Variants in CFAP210 observed in about 807,000 individuals in gnomAD.
The protein encoded by CFAP210 is cilia- and flagella- associated protein 210.
chr2:169,678,360 AAAAGAAAG>A, the CFAP210 span, among the ~76,000 whole-genome samples: 2 of 134,482 alleles, frequency 1.5e-5, no homozygotes, highest in East Asian at 4.0e-4. Context: ...AAAAAAAAAA[AAAAGAAAG>A]AAAGAAAGAA....
chr2:169,667,379 T>G, the CFAP210 span, among the ~76,000 whole-genome samples: 1 of 152,086 alleles, frequency 6.6e-6, no homozygotes, highest in African/African-American at 2.4e-5. Context: ...CCTCAGGTGA[T>G]CCAACCACCT....
At chr2:169,668,777 A>G in the CFAP210 span, among the ~76,000 whole-genome samples, 13 of 152,318 alleles carry the variant, frequency 8.5e-5, no homozygotes, top group Non-Finnish European at 2.9e-5. Flanking sequence ...GGCACCCCAA[A>G]ACATTACAAT....
chr2:169,670,164 T>C, the CFAP210 span, among the ~76,000 whole-genome samples: 1 of 152,222 alleles, frequency 6.6e-6, no homozygotes, highest in African/African-American at 2.4e-5. Flanking sequence ...AAGCCTTACC[T>C]ATATATAGAA....
At chr2:169,687,092 G>T in the CFAP210 span, among the ~76,000 whole-genome samples, 28 of 152,134 alleles carry the variant, frequency 1.8e-4, no homozygotes, top group African/African-American at 6.8e-4. Flanking sequence ...TATAAGAATG[G>T]CATGGTAAAG....
the CFAP210 span, among the ~76,000 whole-genome samples, chr2:169,691,984 C>T: frequency 6.6e-6 from 1 of 152,198 alleles, no homozygotes; most frequent in Non-Finnish European, 1.5e-5. Flanking sequence ...TAAGGCATGC[C>T]TTCAATGCTC....
At chr2:169,645,699 C>A in the CFAP210 span, 2 of 630,934 alleles carry the variant, frequency 3.2e-6, no homozygotes, top group Non-Finnish European at 5.3e-6. Context: ...TATATATACC[C>A]AAAAGAAATA....
At chr2:169,687,791 C>A in the CFAP210 span, among the ~76,000 whole-genome samples, 1 of 152,246 alleles carries the variant, frequency 6.6e-6, no homozygotes, top group South Asian at 2.1e-4. Context: ...CCATTAGGGA[C>A]TCTACGTGGG....
At chr2:169,657,776 A>G in the CFAP210 span, among the ~76,000 whole-genome samples, 1 of 152,158 alleles carries the variant, frequency 6.6e-6, no homozygotes, top group Non-Finnish European at 1.5e-5. Flanking sequence ...TACATATGTC[A>G]GATGAAGATC....
the CFAP210 span, among the ~76,000 whole-genome samples, chr2:169,664,284 C>CT: frequency 6.6e-6 from 1 of 152,136 alleles, no homozygotes; most frequent in Non-Finnish European, 1.5e-5. Context: ...TAAATTGCTA[C>CT]TTTAAGGGAA....
chr2:169,685,547 G>A, the CFAP210 span, among the ~76,000 whole-genome samples: 1 of 151,862 alleles, frequency 6.6e-6, no homozygotes, highest in Non-Finnish European at 1.5e-5. Context: ...TCTCCCATTC[G>A]GTGGATGTAT....
At chr2:169,691,319 A>C in the CFAP210 span, among the ~76,000 whole-genome samples, 1 of 152,186 alleles carries the variant, frequency 6.6e-6, no homozygotes, top group African/African-American at 2.4e-5. Flanking sequence ...CAACATTCTT[A>C]ATACTTTTCT....
chr2:169,645,442 T>C, the CFAP210 span: 1 of 161,732 alleles, frequency 6.2e-6, no homozygotes, highest in South Asian at 1.7e-4. Context: ...TGATTCTGTT[T>C]ATTCAAAATA....
chr2:169,685,450 A>G, the CFAP210 span, among the ~76,000 whole-genome samples: 2 of 152,148 alleles, frequency 1.3e-5, no homozygotes, highest in Non-Finnish European at 2.9e-5. Flanking sequence ...CTTTTTAAAA[A>G]TGGGCTGTCT....
chr2:169,684,340 G>A, the CFAP210 span, among the ~76,000 whole-genome samples: 62,003 of 151,948 alleles, frequency 0.41, 12,926 homozygotes, highest in Non-Finnish European at 0.44. Flanking sequence ...ATAAAAATCC[G>A]CCACTGTAAA....
At chr2:169,661,957 C>T in the CFAP210 span, among the ~76,000 whole-genome samples, 1 of 152,132 alleles carries the variant, frequency 6.6e-6, no homozygotes, top group Non-Finnish European at 1.5e-5. Context: ...GATGTGGAGA[C>T]ACAGTGGGGA....
chr2:169,655,648 A>G, the CFAP210 span, among the ~76,000 whole-genome samples: 1 of 152,194 alleles, frequency 6.6e-6, no homozygotes, highest in Non-Finnish European at 1.5e-5. Flanking sequence ...TCATTTTTCA[A>G]TATTGAAAGC....
the CFAP210 span, among the ~76,000 whole-genome samples, chr2:169,679,439 G>C: frequency 6.6e-6 from 1 of 152,002 alleles, no homozygotes; most frequent in African/African-American, 2.4e-5. Context: ...CAGCACTTTG[G>C]AAGCCGAGGC....
the CFAP210 span, among the ~76,000 whole-genome samples, chr2:169,674,107 G>A: frequency 1.7e-3 from 262 of 152,174 alleles, no homozygotes; most frequent in African/African-American, 6.0e-3. Context: ...TTGACTTTGG[G>A]TTACGCTGTG....
At chr2:169,662,333 T>G in the CFAP210 span, 1 of 1,604,652 alleles carries the variant, frequency 6.2e-7, no homozygotes, top group South Asian at 1.1e-5. Flanking sequence ...TCTAGTTTTT[T>G]TCTCATTTCA....
Sources: allele counts gnomAD v4.1 joint callset (sites outside exome capture counted in the v4.1 genomes callset), GRCh38; gene constraint gnomAD v4.1.1; transcripts MANE v1.5; gene names NCBI Gene and HGNC (gene_info 2026-07-23, HGNC 2026-07-21).